DDC: variants seen among roughly 807,000 people sequenced by gnomAD.
DDC encodes the protein dopa decarboxylase, also known as aromatic-L-amino-acid decarboxylase.
In DDC, 43 loss-of-function variants were observed where a neutral mutation model predicts 60.0. The ratio of observed to expected loss-of-function variants is 0.72; its 90% confidence interval spans 0.56 to 0.92. The LOEUF is 0.92. Ranked by LOEUF, DDC falls within the 40% of genes least tolerant of loss-of-function variation. DDC has a pLI of 0.00. For synonymous variants in DDC, 232 were observed against 234.6 expected, an observed-to-expected ratio of 0.99 and a Z score of 0.10; for missense variants, 573 against 620.2, an observed-to-expected ratio of 0.92 and a Z score of 0.81.
intron 10 of DDC, among the ~76,000 whole-genome samples, chr7:50,476,999 T>C (rs11575482): frequency 1.4e-3 from 218 of 152,298 alleles, no homozygotes; most frequent in South Asian, 4.4e-3. Flanking sequence ...CATTCATGCA[T>C]GGGAAGGTGA....
chr7:50,459,463 G>C (rs1002818973), intron 14 of DDC, among the ~76,000 whole-genome samples: 2 of 151,466 alleles, frequency 1.3e-5, no homozygotes, highest in Admixed American at 1.3e-4. Flanking sequence ...ACCCAGTCTG[G>C]AAAGTGAGGA....
At chr7:50,467,010 G>A (rs1351976240) in intron 13 of DDC, among the ~76,000 whole-genome samples, 1 of 152,256 alleles carries the variant, frequency 6.6e-6, no homozygotes, top group African/African-American at 2.4e-5. Flanking sequence ...CTCATGGCAG[G>A]CTTGAGGAAG....
At chr7:50,506,794 G>A (rs1390931348) in intron 6 of DDC, among the ~76,000 whole-genome samples, 1 of 152,202 alleles carries the variant, frequency 6.6e-6, no homozygotes, top group African/African-American at 2.4e-5. Flanking sequence ...TCTATCAGGT[G>A]CCAACGGGCT....
intron 7 of DDC, among the ~76,000 whole-genome samples, chr7:50,502,991 G>A (rs1017311151): frequency 2.0e-5 from 3 of 152,174 alleles, no homozygotes; most frequent in Admixed American, 2.0e-4. Context: ...TTCAGCACCG[G>A]CCTTCCCCAG....
intron 9 of DDC, among the ~76,000 whole-genome samples, chr7:50,492,296 A>G (rs2043013182): frequency 6.6e-6 from 1 of 152,236 alleles, no homozygotes; most frequent in African/African-American, 2.4e-5. Flanking sequence ...GTGTTAAAAC[A>G]CAAATCTTTC....
intron 12 of DDC, among the ~76,000 whole-genome samples, chr7:50,468,153 G>T (rs1306569473): frequency 6.6e-6 from 1 of 152,254 alleles, no homozygotes; most frequent in Non-Finnish European, 1.5e-5. Context: ...CGGGCAGGGG[G>T]TGGCTGGGAC....
In DDC at chr7:50,539,598, T is replaced by C. The variant is rs547575387; in HGVS notation, c.315+317A>G. Among the ~76,000 whole-genome samples, 5 of 152,294 alleles carry C rather than the reference T, an allele frequency of 3.3e-5. No homozygotes were observed. The East Asian group carries it at 9.7e-4, about 29-fold the overall frequency. On this transcript the variant is annotated intron_variant, in intron 3 of 14. Transcript: ENST00000444124. Reference sequence around the variant, plus strand: ...AGGATATAGAAATTCTCTGAGCTGCTTGGAGAAATGCAGATTCCCAGGTTC... The same window carrying C: ...AGGATATAGAAATTCTCTGAGCTGCCTGGAGAAATGCAGATTCCCAGGTTC...
At chr7:50,540,758 GA>G (rs1345402311) in intron 2 of DDC, among the ~76,000 whole-genome samples, 1 of 152,226 alleles carries the variant, frequency 6.6e-6, no homozygotes, top group African/African-American at 2.4e-5. Context: ...AGGCACAGAG[GA>G]AAAGCTCATG....
chr7:50,492,839 C>T (rs1016514968), intron 9 of DDC: 123 of 1,537,878 alleles, frequency 8.0e-5, no homozygotes, highest in Middle Eastern at 6.4e-4. Context: ...GAGAGATGAG[C>T]GCACAGCCGC....
chr7:50,562,816 G>A (rs1228834879), intron 1 of DDC, among the ~76,000 whole-genome samples: 1 of 152,210 alleles, frequency 6.6e-6, no homozygotes, highest in East Asian at 1.9e-4. Context: ...TGTATAAATA[G>A]TATTTAATCT....
In DDC at chr7:50,463,316, C is replaced by T. The variant is rs770717871; in HGVS notation, c.1358G>A (p.Arg453His). The T allele has an allele frequency of 1.2e-5, 19 of 1,614,094 alleles. No individual in the cohort carries two copies. The highest frequency in any genetic ancestry group is 2.2e-5 in the East Asian group (1 of 44,892). Residue 453 changes from arginine (R) to histidine (H), a missense_variant, in exon 14 of 15, where the codon CGC becomes CAC. Arg to His is a conservative substitution (Grantham distance 29, BLOSUM62 0). Transcript: ENST00000444124. ...KFVLRFAICS[R>H]TVESAHVQRA... ...CTGCACATGGGCAGATTCCACCGTGCGAGAACAGATGGCAAAGCGCAGGAC... is the reference window on the plus strand; with the variant it reads ...CTGCACATGGGCAGATTCCACCGTGTGAGAACAGATGGCAAAGCGCAGGAC...
intron 8 of DDC, among the ~76,000 whole-genome samples, chr7:50,497,924 C>T (rs940680918): frequency 6.6e-6 from 1 of 152,168 alleles, no homozygotes; most frequent in Non-Finnish European, 1.5e-5. Context: ...CTGGTACCCT[C>T]TTTTCTGGTA....
At chr7:50,468,931 ATTTTTTTTTTT>A (rs36005269) in intron 12 of DDC, among the ~76,000 whole-genome samples, 2 of 86,162 alleles carry the variant, frequency 2.3e-5, no homozygotes, top group Admixed American at 2.8e-4. Context: ...CAGTTTCCTC[ATTTTTTTTTTT>A]TTTTTTTTTT....
At chr7:50,492,657 C>G in intron 9 of DDC, 3 of 1,120,738 alleles carry the variant, frequency 2.7e-6, no homozygotes, top group Non-Finnish European at 2.2e-6. Flanking sequence ...TGTCTTAGGG[C>G]TTACGTTTAA....
intron 8 of DDC, among the ~76,000 whole-genome samples, chr7:50,498,756 C>G (rs1243641400): frequency 6.6e-6 from 1 of 152,200 alleles, no homozygotes; most frequent in Non-Finnish European, 1.5e-5. Flanking sequence ...ATATCATGTT[C>G]AGATGTATGG....
intron 7 of DDC, among the ~76,000 whole-genome samples, chr7:50,502,046 G>GC (rs1358099522): frequency 2.0e-5 from 3 of 152,082 alleles, no homozygotes; most frequent in Non-Finnish European, 4.4e-5. Context: ...TCCAGCCTGG[G>GC]CCACAGAGCA....
At chr7:50,540,259 C>T (rs1191477822) in intron 2 of DDC, 1 of 514,366 alleles carries the variant, frequency 1.9e-6, no homozygotes, top group Non-Finnish European at 3.6e-6. Flanking sequence ...CTTTTTGACA[C>T]TGGAATGTAT....
chr7:50,503,934 G>C, intron 7 of DDC, 59 bp downstream of exon 7: 1 of 1,220,014 alleles, frequency 8.2e-7, no homozygotes, highest in Non-Finnish European at 1.2e-6. Flanking sequence ...AGGAAGGTTT[G>C]CTAAATTCCC....
At chr7:50,519,688 TGAA>T (rs2043837042) in intron 6 of DDC, among the ~76,000 whole-genome samples, 1 of 151,930 alleles carries the variant, frequency 6.6e-6, no homozygotes, top group Non-Finnish European at 1.5e-5. Context: ...AGCTAAGCTA[TGAA>T]GACACAAAGG....
Sources: allele counts gnomAD v4.1 joint callset (sites outside exome capture counted in the v4.1 genomes callset), GRCh38; gene constraint gnomAD v4.1.1; transcripts MANE v1.5; gene names NCBI Gene and HGNC (gene_info 2026-07-23, HGNC 2026-07-21).